LARP4B: variants seen among roughly 807,000 people sequenced by gnomAD.
The protein encoded by LARP4B is La ribonucleoprotein 4B, also known as la-related protein 4B.
A neutral mutation model predicts 89.8 loss-of-function variants in LARP4B; 12 were observed. The ratio of observed to expected loss-of-function variants is 0.13; its 90% CI spans 0.09 to 0.22. LARP4B has a LOEUF of 0.22. LARP4B is among the 10% of genes least tolerant of loss of function. LARP4B has a pLI of 1.00. For missense variants in LARP4B, 757 were observed against 947.7 expected (o/e 0.80, Z 2.64); for synonymous variants, 367 against 363.3 (o/e 1.01, Z -0.12).
At chr10:815,112 C>G in intron 15 of LARP4B, 42 bp from the exon 16 acceptor site, 1 of 1,513,400 alleles carries the variant, frequency 6.6e-7, no homozygotes, top group Non-Finnish European at 8.9e-7. Context: ...CCTGCCGGCA[C>G]TAAGCGGAGC....
rs528857904 is a variant in LARP4B, at chr10:832,760, A to G, written c.751-1783T>C. On this transcript the variant is annotated intron_variant, in intron 8 of 17. Coordinates refer to ENST00000316157, the MANE Select transcript of LARP4B (RefSeq NM_015155.3). ...AATAAAGGTGAAATAAGATTTTCCC[A>G]AACATACTAAAGCTGAAAAAAATTC... Among the ~76,000 whole-genome samples, 8 of 152,332 alleles carry G rather than the reference A, an allele frequency of 5.3e-5. No homozygotes were observed. The East Asian group carries it at 1.5e-3, about 29-fold the overall frequency.
At chr10:839,112 C>G (rs1050732629) in intron 7 of LARP4B, among the ~76,000 whole-genome samples, 2 of 152,144 alleles carry the variant, frequency 1.3e-5, no homozygotes, top group Admixed American at 6.5e-5. Context: ...CTGGGGGAGG[C>G]AGGGATGCAC....
At chr10:975,921 CCCGGCCT>C in the LARP4B span, among the ~76,000 whole-genome samples, 1 of 150,492 alleles carries the variant, frequency 6.6e-6, no homozygotes, top group African/African-American at 2.5e-5. Context: ...AACGTGTGGA[CCCGGCCT>C]AGTAGAATGT....
At chr10:878,144 G>A (rs1252022804) in intron 3 of LARP4B, among the ~76,000 whole-genome samples, 1 of 152,238 alleles carries the variant, frequency 6.6e-6, no homozygotes, top group Non-Finnish European at 1.5e-5. Flanking sequence ...CAGCGTGCCA[G>A]AGGAGAGCCA....
intron 3 of LARP4B, among the ~76,000 whole-genome samples, chr10:867,684 A>C (rs972203403): frequency 2.0e-5 from 3 of 151,906 alleles, no homozygotes; most frequent in Non-Finnish European, 2.9e-5. Flanking sequence ...AACATGGTGA[A>C]ACCCCGTCTC....
At chr10:919,386 A>T (rs1836918259) in intron 1 of LARP4B, among the ~76,000 whole-genome samples, 1 of 152,162 alleles carries the variant, frequency 6.6e-6, no homozygotes, top group Non-Finnish European at 1.5e-5. Flanking sequence ...ATAAGCAAGA[A>T]GCTATAAAGT....
intron 1 of LARP4B, among the ~76,000 whole-genome samples, chr10:931,037 C>T (rs1421097623): frequency 1.3e-5 from 2 of 150,836 alleles, no homozygotes; most frequent in East Asian, 3.9e-4. Context: ...CCGACCCTGA[C>T]CCCGGCCCGG....
intron 17 of LARP4B, among the ~76,000 whole-genome samples, 185 bp from the exon 18 acceptor site, chr10:813,398 C>T (rs1831848012): frequency 6.6e-6 from 1 of 152,340 alleles, no homozygotes; most frequent in African/African-American, 2.4e-5. Flanking sequence ...CAGAACACTC[C>T]CTCTGTGCTA....
the LARP4B span, among the ~76,000 whole-genome samples, chr10:983,541 G>A: frequency 2.0e-5 from 3 of 152,180 alleles, no homozygotes; most frequent in Non-Finnish European, 2.9e-5. Context: ...GTGGAAAGCC[G>A]CCTTCTCTCT....
the LARP4B span, among the ~76,000 whole-genome samples, chr10:968,598 T>C: frequency 1.3e-5 from 2 of 151,658 alleles, no homozygotes; most frequent in East Asian, 3.8e-4. Context: ...GACTCCCACT[T>C]GGCTGTTGTC....
chr10:968,084 A>G, the LARP4B span, among the ~76,000 whole-genome samples: 6 of 152,192 alleles, frequency 3.9e-5, no homozygotes, highest in Non-Finnish European at 7.3e-5. Flanking sequence ...GAAATAGTCA[A>G]GCAGAGGCTT....
chr10:968,370 T>G, the LARP4B span, among the ~76,000 whole-genome samples: 2 of 152,168 alleles, frequency 1.3e-5, no homozygotes, highest in African/African-American at 4.8e-5. Context: ...AGAGATAGTT[T>G]CCAAAGAATG....
At chr10:829,929 C>T (rs926698089) in intron 9 of LARP4B, among the ~76,000 whole-genome samples, 195 bp from the exon 10 acceptor site, 1 of 152,070 alleles carries the variant, frequency 6.6e-6, no homozygotes, top group African/African-American at 2.4e-5. Context: ...AACGTGTACC[C>T]CAAATTCTCA....
chr10:903,459 T>C (rs1017011566), intron 1 of LARP4B: 12 of 152,376 alleles, frequency 7.9e-5, no homozygotes, highest in African/African-American at 2.6e-4. Flanking sequence ...TTTGAATATG[T>C]ATTTTCTTGA....
chr10:984,533 G>A, the LARP4B span, among the ~76,000 whole-genome samples: 16 of 152,214 alleles, frequency 1.1e-4, 1 homozygote, highest in East Asian at 2.9e-3. Flanking sequence ...CGTGAGCAAG[G>A]GCAGAAGTTC....
chr10:850,747 A>G (rs967869679), intron 5 of LARP4B, among the ~76,000 whole-genome samples: 2 of 152,210 alleles, frequency 1.3e-5, no homozygotes, highest in Non-Finnish European at 2.9e-5. Context: ...ATATTTAAAG[A>G]AATTCAAGTC....
intron 3 of LARP4B, among the ~76,000 whole-genome samples, chr10:867,914 T>G (rs1265220895): frequency 6.8e-6 from 1 of 145,994 alleles, no homozygotes; most frequent in African/African-American, 2.5e-5. Context: ...TGACTATAAG[T>G]CTTATTTTTC....
At chr10:849,504 T>G (rs1209959860) in intron 5 of LARP4B, among the ~76,000 whole-genome samples, 1 of 152,192 alleles carries the variant, frequency 6.6e-6, no homozygotes, top group Non-Finnish European at 1.5e-5. Context: ...AAGAGTTGAA[T>G]AAGTAAATAA....
chr10:825,286 C>T lies in LARP4B; in HGVS notation c.1263G>A (p.Ala421=), dbSNP rs772963374. The part of the protein sequence containing the change: ...RNPSKSHLRH[A]IPSAERGPGL... ...CAGGTCCCCTCTCTGCACTAGGAAT[C>T]GCATGCCGCAGATGAGATTTACTAG... Residue 421 remains alanine (A), a synonymous_variant, in exon 13 of 18, where the codon GCG becomes GCA. Coordinates refer to ENST00000316157, the MANE Select transcript of LARP4B (RefSeq NM_015155.3). 35 of 1,614,004 alleles carry T rather than the reference C, an allele frequency of 2.2e-5. No individual in the cohort carries two copies. Among genetic ancestry groups the T allele is most frequent in the Non-Finnish European group, 2.6e-5 (31 of 1,180,014 alleles).
Sources: allele counts gnomAD v4.1 joint callset (sites outside exome capture counted in the v4.1 genomes callset), GRCh38; gene constraint gnomAD v4.1.1; transcripts MANE v1.5; gene names NCBI Gene and HGNC (gene_info 2026-07-23, HGNC 2026-07-21).